The following KCNIP4 variants were observed in gnomAD, a reference collection of about 807,000 sequenced individuals.
KCNIP4 encodes Kv channel-interacting protein 4.
Under a neutral mutation model 34.0 loss-of-function variants are expected in KCNIP4, and 12 were observed. That is an observed-to-expected ratio of 0.35 (90% CI 0.23 to 0.57). The LOEUF (loss-of-function observed/expected upper bound fraction) is 0.57. Ranked by LOEUF, KCNIP4 falls within the 20% of genes least tolerant of loss-of-function variation. KCNIP4 has a pLI of 0.83. For missense variants in KCNIP4, 238 were observed against 311.7 expected (o/e 0.76, Z 1.78); for synonymous variants, 124 against 102.2 (o/e 1.21, Z -1.29).
At chr4:21,382,385 AT>A (rs1301291545) in intron 1 of KCNIP4, among the ~76,000 whole-genome samples, 1 of 152,200 alleles carries the variant, frequency 6.6e-6, no homozygotes, top group Non-Finnish European at 1.5e-5. Flanking sequence ...TCATATTAAA[AT>A]TGAGGATAGT....
At chr4:21,116,079 T>G (rs1450335698) in intron 1 of KCNIP4, among the ~76,000 whole-genome samples, 2 of 152,172 alleles carry the variant, frequency 1.3e-5, no homozygotes, top group Non-Finnish European at 2.9e-5. Flanking sequence ...AAAGAAAAAG[T>G]CATCATAAAG....
At chr4:21,530,163 T>A (rs1261493536) in intron 1 of KCNIP4, among the ~76,000 whole-genome samples, 1 of 152,182 alleles carries the variant, frequency 6.6e-6, no homozygotes, top group Non-Finnish European at 1.5e-5. Context: ...TCAATTTGTA[T>A]GAAGCACTAA....
chr4:21,234,489 ATATAATATATAT>A (rs1759187161), intron 1 of KCNIP4, among the ~76,000 whole-genome samples: 1 of 125,812 alleles, frequency 7.9e-6, no homozygotes, highest in Non-Finnish European at 1.5e-5. Flanking sequence ...CATATAACGT[ATATAATATATAT>A]TACATATAAC....
At chr4:20,975,311 T>C (rs1735372254) in intron 1 of KCNIP4, among the ~76,000 whole-genome samples, 1 of 152,230 alleles carries the variant, frequency 6.6e-6, no homozygotes, top group Admixed American at 6.5e-5. Flanking sequence ...AATAGTAATG[T>C]AATTTTAAAA....
chr4:21,552,046 AAAAAAAC>A (rs1329359799), intron 1 of KCNIP4, among the ~76,000 whole-genome samples: 1 of 127,066 alleles, frequency 7.9e-6, no homozygotes, highest in Non-Finnish European at 1.7e-5. Context: ...TTTAAAAAAA[AAAAAAAC>A]AAAAAACAAC....
At chr4:21,178,815 C>CT (rs10611485) in intron 1 of KCNIP4, among the ~76,000 whole-genome samples, 2,534 of 136,748 alleles carry the variant, frequency 0.019, 74 homozygotes, top group African/African-American at 0.05. Flanking sequence ...TAACACCAAA[C>CT]TTTTTTTTTT....
intron 1 of KCNIP4, among the ~76,000 whole-genome samples, chr4:21,080,809 A>G (rs959121239): frequency 1.2e-4 from 18 of 151,934 alleles, no homozygotes; most frequent in South Asian, 2.1e-4. Context: ...TGAACTACCA[A>G]TGGTGTTTTC....
chr4:21,889,529 A>G (rs925644374), intron 1 of KCNIP4, among the ~76,000 whole-genome samples: 1 of 152,090 alleles, frequency 6.6e-6, no homozygotes, highest in Non-Finnish European at 1.5e-5. Flanking sequence ...GCAAGGCAGG[A>G]GCTATCATCC....
chr4:21,530,058 T>C (rs1033869788), intron 1 of KCNIP4, among the ~76,000 whole-genome samples: 1 of 152,192 alleles, frequency 6.6e-6, no homozygotes, highest in African/African-American at 2.4e-5. Context: ...CAGTCTACAA[T>C]TGAGCGCATC....
chr4:20,934,789 T>C (rs1485694487), intron 1 of KCNIP4, among the ~76,000 whole-genome samples: 2 of 152,210 alleles, frequency 1.3e-5, no homozygotes, highest in Non-Finnish European at 2.9e-5. Flanking sequence ...ATTATACTCA[T>C]AGAGCTGCCT....
At chr4:21,663,850 C>A (rs1748632594) in intron 1 of KCNIP4, among the ~76,000 whole-genome samples, 1 of 152,156 alleles carries the variant, frequency 6.6e-6, no homozygotes, top group Non-Finnish European at 1.5e-5. Flanking sequence ...GGTATGATAT[C>A]CAAGGTAAAG....
At chr4:21,069,965 C>T (rs539719973) in intron 1 of KCNIP4, among the ~76,000 whole-genome samples, 26 of 152,244 alleles carry the variant, frequency 1.7e-4, no homozygotes, top group African/African-American at 6.3e-4. Flanking sequence ...AGATCTCTCC[C>T]ACACTTTCCT....
At chr4:21,377,054 A>G (rs925671223) in intron 1 of KCNIP4, among the ~76,000 whole-genome samples, 2 of 152,194 alleles carry the variant, frequency 1.3e-5, no homozygotes, top group Admixed American at 6.5e-5. Flanking sequence ...TTAAATTAGA[A>G]AAATCATTTG....
intron 1 of KCNIP4, among the ~76,000 whole-genome samples, chr4:21,263,136 A>AC (rs567596622): frequency 6.1e-4 from 93 of 152,294 alleles, no homozygotes; most frequent in African/African-American, 2.2e-3. Flanking sequence ...GGTCACACTG[A>AC]CATGAGTAAT....
At chr4:20,878,821 A>G (rs1446642276) in intron 2 of KCNIP4, among the ~76,000 whole-genome samples, 1 of 152,170 alleles carries the variant, frequency 6.6e-6, no homozygotes, top group Admixed American at 6.5e-5. Context: ...GCCTCTTTCA[A>G]TAGTTCTTGG....
chr4:21,937,299 C>T (rs906517365), intron 1 of KCNIP4, among the ~76,000 whole-genome samples: 8 of 151,988 alleles, frequency 5.3e-5, no homozygotes, highest in Non-Finnish European at 8.8e-5. Context: ...TGTCTCTCAC[C>T]GCAGCACCAC....
chr4:21,593,127 G>T (rs907363823), intron 1 of KCNIP4, among the ~76,000 whole-genome samples: 3 of 151,046 alleles, frequency 2.0e-5, no homozygotes, highest in Admixed American at 1.3e-4. Context: ...GTTTGTGTGT[G>T]TGTGTGTGTG....
At chr4:21,264,806 C>T (rs751705659) in intron 1 of KCNIP4, among the ~76,000 whole-genome samples, 19 of 151,964 alleles carry the variant, frequency 1.3e-4, no homozygotes, top group African/African-American at 3.6e-4. Flanking sequence ...ACATTTAAAG[C>T]GGGTCTTAAG....
At chr4:21,897,439 G>A (rs1020947195) in intron 1 of KCNIP4, among the ~76,000 whole-genome samples, 9 of 152,112 alleles carry the variant, frequency 5.9e-5, no homozygotes, top group East Asian at 1.9e-4. Flanking sequence ...AAAAATCCTC[G>A]AAGAGTAAAT....
Sources: allele counts gnomAD v4.1 joint callset (sites outside exome capture counted in the v4.1 genomes callset), GRCh38; gene constraint gnomAD v4.1.1; transcripts MANE v1.5; gene names NCBI Gene and HGNC (gene_info 2026-07-23, HGNC 2026-07-21).